Variants in DLGAP1 observed in about 807,000 individuals in gnomAD.
DLGAP1 encodes disks large-associated protein 1.
DLGAP1 carries 11 observed loss-of-function variants against 90.8 expected under a neutral mutation model. That is an observed-to-expected ratio of 0.12 (90% CI 0.08 to 0.20). The LOEUF (loss-of-function observed/expected upper bound fraction) is 0.20. Among genes scored for constraint, DLGAP1 ranks in the 10% least tolerant of loss-of-function variants. DLGAP1 has a pLI of 1.00. For synonymous variants in DLGAP1, 558 were observed against 540.7 expected (o/e 1.03, Z -0.44); for missense variants, 1,050 against 1,333.8 (o/e 0.79, Z 3.31).
intron 2 of DLGAP1, among the ~76,000 whole-genome samples, chr18:4,029,667 T>G (rs1426957517): frequency 6.6e-6 from 1 of 152,156 alleles, no homozygotes; most frequent in Non-Finnish European, 1.5e-5. Context: ...ATGCCTACGT[T>G]TCCTAATTCC....
At chr18:3,831,053 G>C (rs1310871687) in intron 4 of DLGAP1, among the ~76,000 whole-genome samples, 1 of 152,216 alleles carries the variant, frequency 6.6e-6, no homozygotes, top group Admixed American at 6.5e-5. Flanking sequence ...AGGGATCATG[G>C]AGGAACACAT....
chr18:4,143,103 G>T (rs544177747), intron 2 of DLGAP1, among the ~76,000 whole-genome samples: 1 of 152,058 alleles, frequency 6.6e-6, no homozygotes, highest in African/African-American at 2.4e-5. Context: ...CCCAAGGCCC[G>T]CACTAACCAC....
chr18:4,264,462 G>C (rs2079064043), intron 1 of DLGAP1: 1 of 152,178 alleles, frequency 6.6e-6, no homozygotes, highest in Non-Finnish European at 1.5e-5. Flanking sequence ...TCCTGCCCTT[G>C]CATCAATAAC....
At chr18:3,566,827 TA>T (rs1401834126) in intron 9 of DLGAP1, among the ~76,000 whole-genome samples, 2 of 152,120 alleles carry the variant, frequency 1.3e-5, no homozygotes, top group Non-Finnish European at 2.9e-5. Flanking sequence ...CTACTAGCAA[TA>T]AAACATGGTT....
In DLGAP1 at chr18:4,269,354, A is replaced by ATATTT. The variant is rs1247401948; in HGVS notation, c.-266-118068_-266-118067insAAATA. Reference sequence around the variant, plus strand: ...TATACATATATATATATATATATATATTTTTTTTTTTCTTTTTGAGACGGA... The same window carrying ATATTT: ...TATACATATATATATATATATATATATATTTTTTTTTTTTTTCTTTTTGAGACGGA... On this transcript the variant is annotated intron_variant, in intron 1 of 12. Coordinates refer to ENST00000315677, the MANE Select transcript of DLGAP1 (RefSeq NM_004746.4). 1.8e-4 allele frequency among the ~76,000 whole-genome samples: 24 copies of ATATTT among 132,110 alleles called. 1 individual carries two copies. The East Asian group carries it at 3.5e-3, about 19-fold the overall frequency. 86.7% of individuals were successfully genotyped at this position (132,110 alleles called of 152,430 possible). A position where few individuals can be genotyped will look rare whatever the true frequency, so the allele number is the denominator to read the frequency against.
At chr18:4,112,796 T>C (rs2075997067) in intron 2 of DLGAP1, among the ~76,000 whole-genome samples, 1 of 152,168 alleles carries the variant, frequency 6.6e-6, no homozygotes, top group Admixed American at 6.5e-5. Flanking sequence ...TGTCCATTTT[T>C]GCTATCTTTA....
intron 2 of DLGAP1, among the ~76,000 whole-genome samples, chr18:4,097,128 T>C (rs983441486): frequency 6.6e-6 from 1 of 152,222 alleles, no homozygotes; most frequent in Non-Finnish European, 1.5e-5. Flanking sequence ...AAGGCTCCAA[T>C]TGTTTACCAC....
At chr18:3,774,583 T>G (rs112834958) in intron 5 of DLGAP1, 2 of 152,434 alleles carry the variant, frequency 1.3e-5, no homozygotes, top group East Asian at 3.9e-4. Context: ...ATGTCTCTTA[T>G]GAAACGGGCT....
intron 3 of DLGAP1, among the ~76,000 whole-genome samples, chr18:3,968,655 T>G (rs1215591637): frequency 6.6e-6 from 1 of 152,182 alleles, no homozygotes. Flanking sequence ...TGGAGGCTGA[T>G]TTCAAACCAA....
At chr18:3,620,524 C>T (rs1005767264) in intron 7 of DLGAP1, among the ~76,000 whole-genome samples, 21 of 149,718 alleles carry the variant, frequency 1.4e-4, no homozygotes, top group African/African-American at 3.9e-4. Flanking sequence ...TGAAAATCCT[C>T]GAGAACAACT....
chr18:3,760,170 G>A (rs937497560), intron 5 of DLGAP1, among the ~76,000 whole-genome samples: 1 of 152,196 alleles, frequency 6.6e-6, no homozygotes, highest in East Asian at 1.9e-4. Flanking sequence ...TTATGTAAGT[G>A]TGTGGGGGGC....
chr18:3,615,993 G>A (rs540156521), intron 7 of DLGAP1, among the ~76,000 whole-genome samples: 43 of 152,310 alleles, frequency 2.8e-4, no homozygotes, highest in Middle Eastern at 3.4e-3. Flanking sequence ...CAGACCCATA[G>A]TGCAGCTAAG....
chr18:4,331,391 T>G (rs2080948074), intron 1 of DLGAP1, among the ~76,000 whole-genome samples: 2 of 151,718 alleles, frequency 1.3e-5, no homozygotes, highest in South Asian at 4.1e-4. Flanking sequence ...TCCTAGTGAT[T>G]CTTCAGAAAA....
chr18:4,310,929 T>C (rs369206444), intron 1 of DLGAP1, among the ~76,000 whole-genome samples: 2 of 152,318 alleles, frequency 1.3e-5, no homozygotes, highest in Non-Finnish European at 1.5e-5. Context: ...CAGAACACCG[T>C]AGGTGCCTTA....
At chr18:4,348,097 G>A (rs1377333991) in intron 1 of DLGAP1, among the ~76,000 whole-genome samples, 1 of 152,070 alleles carries the variant, frequency 6.6e-6, no homozygotes, top group African/African-American at 2.4e-5. Flanking sequence ...ACAGTGTTTT[G>A]ACCGCTTACT....
chr18:4,213,223 G>A (rs1407586924), intron 1 of DLGAP1, among the ~76,000 whole-genome samples: 1 of 152,162 alleles, frequency 6.6e-6, no homozygotes, highest in Admixed American at 6.5e-5. Context: ...TCTTTACTCT[G>A]AGGGCGAAGA....
rs745527432 is a variant in DLGAP1 at position 3,534,319 on chromosome 18, T to C, written c.2354A>G (p.Gln785Arg). The C allele has an allele frequency of 6.2e-6, 10 of 1,614,206 alleles. No individual in the cohort carries two copies. The highest frequency in any genetic ancestry group is 7.6e-6 in the Non-Finnish European group (9 of 1,180,040). ...SITEDPLEAVQRSVCHRDGHW... is the reference protein window; with the variant it reads ...SITEDPLEAVRRSVCHRDGHW... ...GCCATCCCGGTGGCACACTGACCTT[T>C]GCACGGCCTCCAGAGGGTCTTCAGT... The change falls in exon 10 of 13, where the codon CAA (glutamine) becomes CGA (arginine). Residue 785 changes from glutamine (Q) to arginine (R), a missense_variant. Coordinates refer to ENST00000315677, the MANE Select transcript of DLGAP1 (RefSeq NM_004746.4).
At chr18:3,814,343 T>C in intron 4 of DLGAP1, 70 bp from the exon 5 acceptor site, 2 of 1,444,670 alleles carry the variant, frequency 1.4e-6, no homozygotes, top group Non-Finnish European at 1.9e-6. Flanking sequence ...TTTCTTTTTT[T>C]TTAGATTTAA....
chr18:4,246,780 A>G lies in DLGAP1; in HGVS notation c.-266-95493T>C, dbSNP rs139923404. Among the ~76,000 whole-genome samples, 52 of 152,380 alleles carry G rather than the reference A, an allele frequency of 3.4e-4. 1 individual carries two copies. In the East Asian group the frequency reaches 9.3e-3, roughly 27 times the overall value. On this transcript the variant is annotated intron_variant, in intron 1 of 12. Coordinates refer to ENST00000315677, the MANE Select transcript of DLGAP1 (RefSeq NM_004746.4). ...TGAAGAAAAGCAAGAAGGGTTGTCCAAGAAGCACTCAAGTCAGTTAGTTGT... is the reference window on the plus strand; with the variant it reads ...TGAAGAAAAGCAAGAAGGGTTGTCCGAGAAGCACTCAAGTCAGTTAGTTGT...
Sources: gnomAD v4.1 joint callset for allele counts (sites outside exome capture counted in the v4.1 genomes callset) on GRCh38, gnomAD v4.1.1 for gene constraint, MANE v1.5 for transcripts, NCBI Gene and HGNC (gene_info 2026-07-23, HGNC 2026-07-21) for gene names.